DNAH9: variants seen among roughly 807,000 people sequenced by gnomAD.
DNAH9 encodes dynein axonemal heavy chain 9.
DNAH9 carries 345 observed loss-of-function variants against 471.6 expected under a neutral mutation model. The observed-to-expected ratio is 0.73, with a 90% CI of 0.67 to 0.80. The LOEUF (loss-of-function observed/expected upper bound fraction) is 0.80. Among genes scored for constraint, DNAH9 ranks in the 30% least tolerant of loss-of-function variants. The pLI is 0.00. For synonymous variants in DNAH9, 2,093 were observed against 2,123.6 expected (o/e 0.99, Z 0.40); for missense variants, 5,407 against 5,609.2 (o/e 0.96, Z 1.15).
At chr17:11,634,046 T>C (rs1413880708) in intron 8 of DNAH9, among the ~76,000 whole-genome samples, 1 of 152,186 alleles carries the variant, frequency 6.6e-6, no homozygotes, top group Non-Finnish European at 1.5e-5. Context: ...CTTGAAATTT[T>C]ATGGGTTCTG....
At chr17:11,710,747 C>T (rs9916239) in intron 26 of DNAH9, among the ~76,000 whole-genome samples, 5,808 of 152,184 alleles carry the variant, frequency 0.038, 285 homozygotes, top group South Asian at 0.11. Flanking sequence ...ATATTTCATT[C>T]TAGCCTAGTT....
At chr17:11,735,671 G>A (rs902427361) in intron 28 of DNAH9, among the ~76,000 whole-genome samples, 4 of 152,110 alleles carry the variant, frequency 2.6e-5, no homozygotes, top group Non-Finnish European at 4.4e-5. Flanking sequence ...TCCTGACCTC[G>A]TGATCCGCCC....
In DNAH9 at chr17:11,623,122, T is replaced by A. The variant is rs1014932189; in HGVS notation, c.1350+3341T>A. On this transcript the variant is annotated intron_variant, in intron 6 of 68. Coordinates refer to ENST00000262442, the MANE Select transcript of DNAH9 (RefSeq NM_001372.4). The surrounding 1 kb of genome is among the most constrained non-coding windows in gnomAD (Gnocchi z 4.1). ...CCAAGTAGCTGGGATTACAGGCATGTGCCACCATGCCTGGTTAATTTTTGT... is the reference window on the plus strand; with the variant it reads ...CCAAGTAGCTGGGATTACAGGCATGAGCCACCATGCCTGGTTAATTTTTGT... 6.6e-6 allele frequency among the ~76,000 whole-genome samples: 1 copy of A among 151,836 alleles called. No homozygotes were observed. The highest frequency in any genetic ancestry group is 1.9e-4 in the East Asian group (1 of 5,164).
At position 11,962,216 on chromosome 17, in the gene DNAH9, T is replaced by C; in HGVS notation, c.13193T>C (p.Ile4398Thr). ...FRSPPREGAY[I>T]HGLFMEGACW... is the part of the protein sequence containing the mutation. ...AGTCCTCCTCGGGAAGGGGCCTACA[T>C]CCATGGCCTCTTCATGGAAGGTGCC... The change falls in exon 68 of 69, where the codon ATC becomes ACC. Residue 4398 changes from isoleucine to threonine, a missense_variant. By Grantham distance (89) the Ile-to-Thr change is moderately conservative. This residue lies in a region of DNAH9 where 4,636 missense variants were observed against 4,900.3 expected (regional missense o/e 0.95). Transcript: ENST00000262442. The surrounding 1 kb of genome is among the most constrained non-coding windows in gnomAD (Gnocchi z 4.1). The C allele has an allele frequency of 6.2e-7, 1 of 1,612,974 alleles. No homozygotes were observed. Among genetic ancestry groups the C allele is most frequent in the Non-Finnish European group, 8.5e-7 (1 of 1,179,586 alleles).
At chr17:11,671,708 G>A (rs867737871) in intron 17 of DNAH9, among the ~76,000 whole-genome samples, 1 of 152,202 alleles carries the variant, frequency 6.6e-6, no homozygotes, top group Non-Finnish European at 1.5e-5. Context: ...CCTGTGCAGG[G>A]AAGTCCCTCT....
At chr17:11,761,363 C>T (rs987307056) in intron 35 of DNAH9, among the ~76,000 whole-genome samples, 1 of 152,226 alleles carries the variant, frequency 6.6e-6, no homozygotes, top group Non-Finnish European at 1.5e-5. Flanking sequence ...TGACTTCTGA[C>T]CCATCGCTGT....
intron 48 of DNAH9, among the ~76,000 whole-genome samples, chr17:11,825,158 G>T (rs189690337): frequency 1.0e-3 from 157 of 152,174 alleles, no homozygotes; most frequent in Admixed American, 2.1e-3. Context: ...TCCCAGTCTA[G>T]GTCCTAGGAG....
At chr17:11,852,221 T>C (rs913640617) in intron 49 of DNAH9, among the ~76,000 whole-genome samples, 7 of 152,210 alleles carry the variant, frequency 4.6e-5, no homozygotes, top group Non-Finnish European at 1.0e-4. Context: ...AATCTAATTT[T>C]TGAAATCAAG....
intron 67 of DNAH9, among the ~76,000 whole-genome samples, chr17:11,947,670 C>A (rs1165609046): frequency 6.6e-6 from 1 of 151,708 alleles, no homozygotes; most frequent in Non-Finnish European, 1.5e-5. Flanking sequence ...TTTTTAATTA[C>A]CTATGTGGCT....
intron 43 of DNAH9, among the ~76,000 whole-genome samples, chr17:11,800,846 G>A (rs1222321373): frequency 6.6e-6 from 1 of 152,160 alleles, no homozygotes; most frequent in African/African-American, 2.4e-5. Context: ...TAACCTCTAG[G>A]ACACTGTGTG....
intron 35 of DNAH9, among the ~76,000 whole-genome samples, chr17:11,760,708 C>T (rs746253465): frequency 2.0e-4 from 30 of 152,134 alleles, no homozygotes; most frequent in Non-Finnish European, 3.7e-4. Flanking sequence ...TTGGTAGAAA[C>T]GGAGTTTCAC....
chr17:11,718,241 A>G (rs1367829559), intron 26 of DNAH9, among the ~76,000 whole-genome samples: 1 of 152,230 alleles, frequency 6.6e-6, no homozygotes, highest in Non-Finnish European at 1.5e-5. Context: ...AGGTTCGTCC[A>G]TCCTGTAGCA....
At chr17:11,609,407 C>T (rs986112398) in intron 2 of DNAH9, among the ~76,000 whole-genome samples, 1 of 152,160 alleles carries the variant, frequency 6.6e-6, no homozygotes, top group African/African-American at 2.4e-5. Context: ...AACTTTGTAA[C>T]ATTCAGTGTG....
chr17:11,747,504 A>T, intron 31 of DNAH9, 52 bp from the exon 32 acceptor site: 4 of 1,455,036 alleles, frequency 2.7e-6, no homozygotes, highest in South Asian at 1.2e-5. Flanking sequence ...AGCAGTTGGG[A>T]TGCAGGTGAG....
intron 26 of DNAH9, among the ~76,000 whole-genome samples, chr17:11,713,189 TA>T (rs1208150369): frequency 6.6e-6 from 1 of 152,184 alleles, no homozygotes; most frequent in East Asian, 1.9e-4. Flanking sequence ...TTGCTAAGGA[TA>T]ATAGACTCCA....
intron 28 of DNAH9, among the ~76,000 whole-genome samples, chr17:11,730,850 CGGT>C (rs2075248132): frequency 6.8e-6 from 1 of 147,282 alleles, no homozygotes; most frequent in South Asian, 2.2e-4. Context: ...ATGATGATGG[CGGT>C]GGTAGTGGTG....
At chr17:11,963,521 G>A (rs902250998) in intron 68 of DNAH9, among the ~76,000 whole-genome samples, 2 of 152,030 alleles carry the variant, frequency 1.3e-5, no homozygotes, top group Non-Finnish European at 2.9e-5. Context: ...TGTAGGGAGA[G>A]GTGGGGGTTA....
intron 36 of DNAH9, among the ~76,000 whole-genome samples, chr17:11,763,826 G>A (rs980590668): frequency 1.2e-4 from 18 of 152,122 alleles, no homozygotes; most frequent in Admixed American, 3.3e-4. Flanking sequence ...TGGTGTGTTC[G>A]GAGCTTTTCC....
intron 39 of DNAH9, among the ~76,000 whole-genome samples, chr17:11,781,499 G>A (rs2037829978): frequency 6.6e-6 from 1 of 152,104 alleles, no homozygotes; most frequent in Non-Finnish European, 1.5e-5. Flanking sequence ...CACTTCCCCT[G>A]CACCATGGCC....
Sources: gnomAD v4.1 joint callset for allele counts (sites outside exome capture counted in the v4.1 genomes callset) on GRCh38, gnomAD v4.1.1 for gene constraint, gnomAD v4.1.1 regional missense constraint, Gnocchi (gnomAD v3.1) non-coding constraint, MANE v1.5 for transcripts, NCBI Gene and HGNC (gene_info 2026-07-23, HGNC 2026-07-21) for gene names.